Variants in PSKH2 observed in about 807,000 individuals in gnomAD.
The protein encoded by PSKH2 is serine/threonine-protein kinase H2.
PSKH2 carries 16 observed loss-of-function variants against 22.5 expected under a neutral mutation model. The ratio of observed to expected loss-of-function variants is 0.71; its 90% CI spans 0.48 to 1.08. The LOEUF (loss-of-function observed/expected upper bound fraction) is 1.08, where lower values mean the gene tolerates loss of function less well. Ranked by LOEUF, PSKH2 falls within the 50% of genes least tolerant of loss-of-function variation. The probability of loss-of-function intolerance (pLI) is 0.00; values close to 1 mark genes in which losing one functional copy is unlikely to be tolerated. For synonymous variants in PSKH2, 188 were observed against 184.8 expected (o/e 1.02, Z -0.14); for missense variants, 516 against 492.8 (o/e 1.05, Z -0.44).
At chr8:86,054,203 T>C (rs995681385) in intron 2 of PSKH2, among the ~76,000 whole-genome samples, 1 of 117,380 alleles carries the variant, frequency 8.5e-6, no homozygotes, top group Non-Finnish European at 1.9e-5. Context: ...GTGGATTTAA[T>C]TAAATAATTT....
chr8:86,065,085 T>C (rs1817838729), intron 1 of PSKH2, among the ~76,000 whole-genome samples: 1 of 152,188 alleles, frequency 6.6e-6, no homozygotes, highest in Admixed American at 6.5e-5. Context: ...GTTTCAAGAA[T>C]GTTAAGACCC....
intron 2 of PSKH2, among the ~76,000 whole-genome samples, chr8:86,051,154 C>T (rs964729309): frequency 6.6e-6 from 1 of 152,056 alleles, no homozygotes; most frequent in African/African-American, 2.4e-5. Flanking sequence ...CAACCTCCGC[C>T]TCCCGGGTTC....
At chr8:86,053,505 G>A (rs894127289) in intron 2 of PSKH2, among the ~76,000 whole-genome samples, 2 of 152,094 alleles carry the variant, frequency 1.3e-5, no homozygotes, top group African/African-American at 4.8e-5. Flanking sequence ...GGAATCCCAT[G>A]GAGATTGGTG....
chr8:86,060,727 G>A (rs1410946887), intron 2 of PSKH2, among the ~76,000 whole-genome samples: 1 of 152,144 alleles, frequency 6.6e-6, no homozygotes, highest in Non-Finnish European at 1.5e-5. Context: ...ATGAGTGCCT[G>A]ACAGACATGG....
chr8:86,054,179 T>C (rs917461460), intron 2 of PSKH2, among the ~76,000 whole-genome samples: 1 of 151,518 alleles, frequency 6.6e-6, no homozygotes, highest in Non-Finnish European at 1.5e-5. Context: ...TCTTGAAGTA[T>C]AGGACAATTA....
rs55968832 is a variant in PSKH2, at chr8:86,055,980, C to CTGTG, written c.853-7217_853-7214dup. Among the ~76,000 whole-genome samples, 463 of 150,010 alleles carry CTGTG rather than the reference C, an allele frequency of 3.1e-3. 2 individuals are homozygous for CTGTG. Among genetic ancestry groups the CTGTG allele is most frequent in the African/African-American group, 8.4e-3 (342 of 40,856 alleles). On this transcript the variant is annotated intron_variant, in intron 2 of 2. Coordinates refer to ENST00000276616, the MANE Select transcript of PSKH2 (RefSeq NM_033126.3). ...TATATATACATATATATGTGTGTGT[C>CTGTG]TGTGTGTGTGTGTGTGTGTGTGTTT...
At chr8:86,060,791 C>G (rs1817767139) in intron 2 of PSKH2, among the ~76,000 whole-genome samples, 1 of 152,176 alleles carries the variant, frequency 6.6e-6, no homozygotes, top group South Asian at 2.1e-4. Context: ...CAGTCACACT[C>G]CTCTGTGGTG....
rs1007955505 is a variant in PSKH2, at chr8:86,048,278, C to A, written c.*184G>T. 2 of 522,524 alleles carry A rather than the reference C, an allele frequency of 3.8e-6. No individual in the cohort carries two copies. Among genetic ancestry groups the A allele is most frequent in the Non-Finnish European group, 6.8e-6 (2 of 294,900 alleles). The allele number at this position is 522,524 out of a possible 1,614,324, so 32.4% of individuals were successfully genotyped here. ...TATTTACTAAACTGTTAATCATTTG[C>A]AGCAGTATATTTTGGGAAAATGAAT... On this transcript the variant is annotated 3_prime_UTR_variant, in exon 3 of 3. Coordinates refer to ENST00000276616, the MANE Select transcript of PSKH2 (RefSeq NM_033126.3).
intron 2 of PSKH2, among the ~76,000 whole-genome samples, chr8:86,050,994 C>A (rs1398677965): frequency 6.6e-6 from 1 of 152,110 alleles, no homozygotes; most frequent in Non-Finnish European, 1.5e-5. Context: ...CATCCTCCTG[C>A]CTCAGTTTCC....
intron 2 of PSKH2, among the ~76,000 whole-genome samples, chr8:86,062,217 T>C (rs1400298504): frequency 1.3e-5 from 2 of 152,224 alleles, no homozygotes; most frequent in African/African-American, 4.8e-5. Flanking sequence ...TAAATGTGCA[T>C]GAATTGGGGA....
intron 2 of PSKH2, among the ~76,000 whole-genome samples, chr8:86,058,500 A>G (rs985224188): frequency 6.6e-6 from 1 of 152,236 alleles, no homozygotes; most frequent in African/African-American, 2.4e-5. Context: ...ATATTTTTCA[A>G]AAGCAATTTA....
intron 1 of PSKH2, among the ~76,000 whole-genome samples, chr8:86,065,304 A>G (rs1817840928): frequency 6.6e-6 from 1 of 152,190 alleles, no homozygotes; most frequent in Non-Finnish European, 1.5e-5. Context: ...TCTTGTACAC[A>G]GTAGCTGTTA....
chr8:86,067,936 G>A (rs1195474065), intron 1 of PSKH2, among the ~76,000 whole-genome samples: 1 of 152,160 alleles, frequency 6.6e-6, no homozygotes, highest in East Asian at 1.9e-4. Flanking sequence ...CCCTTATAAT[G>A]TTGAGATCCT....
chr8:86,051,034 A>T (rs1472052195), intron 2 of PSKH2, among the ~76,000 whole-genome samples: 1 of 119,332 alleles, frequency 8.4e-6, no homozygotes, highest in Admixed American at 9.5e-5. Flanking sequence ...ACCCACTCCC[A>T]CCCCCACCCA....
At chr8:86,049,613 GAGGCAGAGAGAGAGAAGAGGGGAGGGGA>G (rs373616240) in intron 2 of PSKH2, among the ~76,000 whole-genome samples, 2,369 of 144,326 alleles carry the variant, frequency 0.016, 100 homozygotes, top group African/African-American at 0.058. Flanking sequence ...GGGGAGGGGA[GAGGCAGAGAGAGAGAAGAGGGGAGGGGA>G]AGGCAGAGAG....
chr8:86,064,318 C>A lies in PSKH2; in HGVS notation c.499G>T (p.Val167Phe), dbSNP rs201830947. ...ERDAVRILQM[V>F]ADGIRYLHAL... is the part of the protein sequence containing the mutation. ...TGCAAATACCTAATCCCATCAGCAA[C>A]CATCTGGAGGATCCTGACGGCATCC... The change falls in exon 2 of 3, where the codon GTT (valine) becomes TTT (phenylalanine). Residue 167 changes from valine (V) to phenylalanine (F), a missense_variant. Val to Phe is a conservative substitution (Grantham distance 50). Transcript: ENST00000276616. The A allele has an allele frequency of 3.1e-6, 5 of 1,614,134 alleles. No homozygotes were observed. Among genetic ancestry groups the A allele is most frequent in the Non-Finnish European group, 4.2e-6 (5 of 1,180,022 alleles).
intron 2 of PSKH2, among the ~76,000 whole-genome samples, chr8:86,056,651 A>G (rs964766755): frequency 3.3e-5 from 5 of 152,228 alleles, no homozygotes; most frequent in African/African-American, 1.2e-4. Context: ...TAATAGTAAC[A>G]ATAACAAAAA....
chr8:86,049,725 A>AC lies in PSKH2; in HGVS notation c.853-959_853-958insG, dbSNP rs762139030. ...AAGAAAGAAAGAAAGAAAGAAAGAA[A>AC]GAAAGAAAGAAAGAAAGAAAGAAAC... On this transcript the variant is annotated intron_variant, in intron 2 of 2. Coordinates refer to ENST00000276616, the MANE Select transcript of PSKH2 (RefSeq NM_033126.3). Among the ~76,000 whole-genome samples the AC allele has an allele frequency of 4.4e-3, 282 of 63,786 alleles. 12 individuals are homozygous for AC. The highest frequency in any genetic ancestry group is 0.022 in the South Asian group (29 of 1,334). The allele number at this position is 63,786 out of a possible 152,430, so 41.8% of individuals were successfully genotyped here.
At position 86,069,535 on chromosome 8, in the gene PSKH2, C is replaced by T. The variant is rs1282534734; in HGVS notation, c.88G>A (p.Gly30Arg). 2 of 1,608,916 alleles carry T rather than the reference C, an allele frequency of 1.2e-6. No homozygotes were observed. Among genetic ancestry groups the T allele is most frequent in the Admixed American group, 1.7e-5 (1 of 59,598 alleles). ...KHEGQNQAGV[G>R]GAGPGPEAAA... ...GCCTCGGGCCCAGGCCCCGCGCCTC[C>T]GACGCCGGCTTGGTTTTGACCTTCG... The change falls in exon 1 of 3, where the codon GGA (glycine) becomes AGA (arginine). Residue 30 changes from glycine to arginine, a missense_variant. Gly to Arg is a moderately radical substitution (Grantham distance 125). Transcript: ENST00000276616.
Sources: gnomAD v4.1 joint callset for allele counts (sites outside exome capture counted in the v4.1 genomes callset) on GRCh38, gnomAD v4.1.1 for gene constraint, MANE v1.5 for transcripts, NCBI Gene and HGNC (gene_info 2026-07-23, HGNC 2026-07-21) for gene names.